NPSR1: variants seen among roughly 807,000 people sequenced by gnomAD.
NPSR1 encodes neuropeptide S receptor.
NPSR1 carries 48 observed loss-of-function variants against 46.9 expected under a neutral mutation model. That is an observed-to-expected ratio of 1.02 (90% CI 0.81 to 1.30). The LOEUF (loss-of-function observed/expected upper bound fraction) is 1.30. Among genes scored for constraint, NPSR1 ranks in the 50% most tolerant of loss-of-function variants. NPSR1 has a pLI of 0.00. For missense variants in NPSR1, 450 were observed against 449.5 expected (o/e 1.00, Z -0.01); for synonymous variants, 176 against 168.1 (o/e 1.05, Z -0.36).
intron 1 of NPSR1, among the ~76,000 whole-genome samples, chr7:34,676,059 T>G (rs1792301322): frequency 6.6e-6 from 1 of 152,146 alleles, no homozygotes; most frequent in African/African-American, 2.4e-5. Flanking sequence ...TTAGGCTTAG[T>G]GAAATTCCGA....
chr7:34,841,407 G>C (rs574969058), intron 6 of NPSR1, among the ~76,000 whole-genome samples: 1 of 152,298 alleles, frequency 6.6e-6, no homozygotes, highest in African/African-American at 2.4e-5. Context: ...GTCCCCATTA[G>C]GGATATACTG....
chr7:34,732,067 G>C lies in NPSR1; in HGVS notation c.281-46395G>C, dbSNP rs543040859. ...GGCATTCCAGCCTGGGTGACAGAGT[G>C]AGACTTCATCTCAAAAAAAAAAAAA... On this transcript the variant is annotated intron_variant, in intron 2 of 8. Transcript: ENST00000360581. Among the ~76,000 whole-genome samples the C allele has an allele frequency of 4.9e-5, 6 of 121,840 alleles. No homozygotes were observed. The East Asian group carries it at 1.2e-3, about 24-fold the overall frequency. The allele number at this position is 121,840 out of a possible 152,430, so 79.9% of individuals were successfully genotyped here. A position where few individuals can be genotyped will look rare whatever the true frequency, so the allele number is the denominator to read the frequency against.
At chr7:34,744,817 A>C (rs990440939) in intron 2 of NPSR1, among the ~76,000 whole-genome samples, 5 of 152,228 alleles carry the variant, frequency 3.3e-5, no homozygotes, top group Non-Finnish European at 7.3e-5. Context: ...ATCTGAGTAC[A>C]GTTGGCCCTT....
At chr7:34,690,912 A>G (rs376625693) in intron 2 of NPSR1, among the ~76,000 whole-genome samples, 9 of 152,340 alleles carry the variant, frequency 5.9e-5, no homozygotes, top group South Asian at 2.1e-4. Context: ...GAACATCACC[A>G]AGACGTATAG....
In NPSR1 at chr7:34,802,473, C is replaced by G. The variant is rs534325636; in HGVS notation, c.385-9297C>G. On this transcript the variant is annotated intron_variant, in intron 3 of 8. Coordinates refer to ENST00000360581, the MANE Select transcript of NPSR1 (RefSeq NM_207172.2). ...AAAAACAAGCAATGGGGAAAGGATT[C>G]CCTATTTAATAAACGGTGCTGGGAA... Among the ~76,000 whole-genome samples the G allele has an allele frequency of 3.6e-3, 543 of 150,288 alleles. 49 individuals are homozygous for G. Among genetic ancestry groups the G allele is most frequent in the African/African-American group, 0.013 (528 of 39,704 alleles).
At chr7:34,815,689 G>A (rs1789211954) in intron 4 of NPSR1, among the ~76,000 whole-genome samples, 1 of 152,166 alleles carries the variant, frequency 6.6e-6, no homozygotes, top group Non-Finnish European at 1.5e-5. Flanking sequence ...ACCCACAAAG[G>A]GAAGCCCATC....
intron 3 of NPSR1, among the ~76,000 whole-genome samples, chr7:34,807,512 T>C (rs916049411): frequency 1.3e-5 from 2 of 152,172 alleles, no homozygotes; most frequent in Admixed American, 6.5e-5. Flanking sequence ...CATGAAATGC[T>C]GTTTGCTTTG....
At chr7:34,790,750 T>TAC (rs1787725287) in intron 3 of NPSR1, among the ~76,000 whole-genome samples, 1 of 124,578 alleles carries the variant, frequency 8.0e-6, no homozygotes, top group Non-Finnish European at 1.7e-5. Context: ...ATATATAATA[T>TAC]ATGTTATATG....
intron 8 of NPSR1, among the ~76,000 whole-genome samples, chr7:34,863,772 T>C (rs1298913569): frequency 6.6e-6 from 1 of 151,750 alleles, no homozygotes; most frequent in African/African-American, 2.4e-5. Flanking sequence ...TTTTACACTT[T>C]GGTGGGAGTG....
At chr7:34,790,786 A>ATGT in intron 3 of NPSR1, among the ~76,000 whole-genome samples, 1 of 130,710 alleles carries the variant, frequency 7.7e-6, no homozygotes, top group East Asian at 2.3e-4. Flanking sequence ...GTTATATGTT[A>ATGT]TATATATGTT....
chr7:34,802,673 A>G (rs1788480607), intron 3 of NPSR1, among the ~76,000 whole-genome samples: 1 of 150,504 alleles, frequency 6.6e-6, no homozygotes, highest in Non-Finnish European at 1.5e-5. Flanking sequence ...CTTCATGTCT[A>G]AAACACCAAA....
intron 8 of NPSR1, among the ~76,000 whole-genome samples, chr7:34,862,931 G>A (rs1333585290): frequency 6.6e-6 from 1 of 151,754 alleles, no homozygotes; most frequent in Non-Finnish European, 1.5e-5. Context: ...ATTCAATGAC[G>A]ACATTAAGAT....
chr7:34,694,073 T>C (rs1283314017), intron 2 of NPSR1, among the ~76,000 whole-genome samples: 1 of 151,946 alleles, frequency 6.6e-6, no homozygotes, highest in Non-Finnish European at 1.5e-5. Flanking sequence ...GAAAGCATTA[T>C]CCCTAAAAAC....
chr7:34,755,440 T>C (rs1417154047), intron 2 of NPSR1, among the ~76,000 whole-genome samples: 2 of 152,342 alleles, frequency 1.3e-5, no homozygotes, highest in East Asian at 3.9e-4. Context: ...TGACTTCTTT[T>C]GCTCAGCATT....
intron 8 of NPSR1, among the ~76,000 whole-genome samples, chr7:34,875,281 T>C (rs1226939008): frequency 2.0e-5 from 3 of 152,190 alleles, no homozygotes; most frequent in East Asian, 3.8e-4. Flanking sequence ...TGGAGCAACA[T>C]TGGTCTTTCT....
intron 5 of NPSR1, 36 bp downstream of exon 5, chr7:34,827,638 T>TGGGGGTGG: frequency 5.6e-6 from 1 of 179,994 alleles, no homozygotes; most frequent in Non-Finnish European, 1.1e-5. Flanking sequence ...CACGGGGGGG[T>TGGGGGTGG]GGGGCGGGGG....
chr7:34,760,699 G>A (rs1013980623), intron 2 of NPSR1, among the ~76,000 whole-genome samples: 2 of 152,194 alleles, frequency 1.3e-5, no homozygotes, highest in South Asian at 2.1e-4. Flanking sequence ...TTCCTAGTTA[G>A]TGGCTAAAAC....
intron 2 of NPSR1, among the ~76,000 whole-genome samples, chr7:34,747,326 A>G (rs1785256922): frequency 6.6e-6 from 1 of 152,080 alleles, no homozygotes; most frequent in Non-Finnish European, 1.5e-5. Flanking sequence ...TCTTCTGCAT[A>G]TTGAAAGTGA....
At chr7:34,791,278 A>G (rs372316523) in intron 3 of NPSR1, among the ~76,000 whole-genome samples, 1 of 138,620 alleles carries the variant, frequency 7.2e-6, no homozygotes, top group Non-Finnish European at 1.5e-5. Context: ...TAAGTTATAT[A>G]TAATATAGAT....
Sources: allele counts gnomAD v4.1 joint callset (sites outside exome capture counted in the v4.1 genomes callset), GRCh38; gene constraint gnomAD v4.1.1; transcripts MANE v1.5; gene names NCBI Gene and HGNC (gene_info 2026-07-23, HGNC 2026-07-21).